The following FHOD3 variants were observed in gnomAD, a reference collection of about 807,000 sequenced individuals.
FHOD3 encodes the protein FH1/FH2 domain-containing protein 3.
FHOD3 carries 90 observed loss-of-function variants against 173.0 expected under a neutral mutation model. The ratio of observed to expected loss-of-function variants is 0.52; its 90% CI spans 0.44 to 0.62. The LOEUF is 0.62. Among genes scored for constraint, FHOD3 ranks in the 20% least tolerant of loss-of-function variants. The pLI, the probability that FHOD3 is intolerant of heterozygous loss-of-function variation, is 0.00. For missense variants in FHOD3, 1,945 were observed against 2,034.7 expected, an observed-to-expected ratio of 0.96 and a Z score of 0.85; for synonymous variants, 828 against 823.0, an observed-to-expected ratio of 1.01 and a Z score of -0.10.
At chr18:36,594,040 A>C (rs1260090898) in intron 6 of FHOD3, among the ~76,000 whole-genome samples, 1 of 152,196 alleles carries the variant, frequency 6.6e-6, no homozygotes, top group East Asian at 1.9e-4. Context: ...CCGGAGGCTG[A>C]CCCAGAGACC....
At chr18:36,728,592 G>T (rs1481663708) in intron 19 of FHOD3, among the ~76,000 whole-genome samples, 2 of 144,614 alleles carry the variant, frequency 1.4e-5, no homozygotes, top group Non-Finnish European at 1.5e-5. Context: ...TTGTTGTTGG[G>T]TTTTTTTTTT....
chr18:36,758,845 T>G (rs1394970811), intron 25 of FHOD3, among the ~76,000 whole-genome samples: 1 of 152,182 alleles, frequency 6.6e-6, no homozygotes, highest in Non-Finnish European at 1.5e-5. Flanking sequence ...TAGCTGACTG[T>G]TACCTCAGGG....
intron 3 of FHOD3, among the ~76,000 whole-genome samples, chr18:36,425,093 T>C (rs1055228608): frequency 6.6e-6 from 1 of 152,200 alleles, no homozygotes; most frequent in Admixed American, 6.5e-5. Flanking sequence ...AAAAAAATTA[T>C]ATGCTGAGGT....
At chr18:36,423,789 G>A (rs1271653197) in intron 3 of FHOD3, among the ~76,000 whole-genome samples, 1 of 152,144 alleles carries the variant, frequency 6.6e-6, no homozygotes, top group Non-Finnish European at 1.5e-5. Context: ...GAATACAGTG[G>A]TATAGAATAA....
In FHOD3 at chr18:36,576,873, C is replaced by T. The variant is rs559835734; in HGVS notation, c.606+328C>T. Among the ~76,000 whole-genome samples, 209 of 152,270 alleles carry T rather than the reference C, an allele frequency of 1.4e-3. 1 individual carries two copies. The highest frequency in any genetic ancestry group is 2.1e-3 in the Non-Finnish European group (144 of 68,006). On this transcript the variant is annotated intron_variant, in intron 6 of 28. Coordinates refer to ENST00000590592, the MANE Select transcript of FHOD3 (RefSeq NM_001281740.3). ...ATCCCAGCACTTGGCAAGGCCAAAG[C>T]GGGTGGATCACGAGATCGAGACCAG...
chr18:36,436,056 T>G (rs2050792261), intron 3 of FHOD3, among the ~76,000 whole-genome samples: 1 of 152,190 alleles, frequency 6.6e-6, no homozygotes, highest in Non-Finnish European at 1.5e-5. Flanking sequence ...GTTTGCTTAG[T>G]GCTGATATAA....
intron 17 of FHOD3, among the ~76,000 whole-genome samples, chr18:36,697,016 T>C (rs2149533860): frequency 6.6e-6 from 1 of 152,358 alleles, no homozygotes; most frequent in African/African-American, 2.4e-5. Flanking sequence ...ACCTAAGTGA[T>C]TCTCTTTGTC....
Position 36,542,471 on chromosome 18 carries a change from G to C in FHOD3, c.511+29928G>C, listed in dbSNP as rs556471127. 2.6e-5 allele frequency among the ~76,000 whole-genome samples: 4 copies of C among 152,170 alleles called. No homozygotes were observed. The South Asian group carries it at 8.3e-4, about 32-fold the overall frequency. ...AGTCAAAACAAAAAATTAAAGGAAA[G>C]GCCACTCAATTTCATTGAGTATTCT... On this transcript the variant is annotated intron_variant, in intron 5 of 28. Transcript: ENST00000590592.
At chr18:36,337,292 A>G (rs2045372540) in intron 1 of FHOD3, among the ~76,000 whole-genome samples, 2 of 152,202 alleles carry the variant, frequency 1.3e-5, no homozygotes, top group East Asian at 1.9e-4. Context: ...TGTTATAGAA[A>G]TGTACTTCCT....
chr18:36,721,715 C>T (rs1217591453), intron 19 of FHOD3, among the ~76,000 whole-genome samples: 1 of 152,202 alleles, frequency 6.6e-6, no homozygotes, highest in Non-Finnish European at 1.5e-5. Flanking sequence ...TATGTTACCA[C>T]TGTAGATATA....
At chr18:36,641,903 A>G (rs1353658654) in intron 10 of FHOD3, among the ~76,000 whole-genome samples, 1 of 151,640 alleles carries the variant, frequency 6.6e-6, no homozygotes, top group Non-Finnish European at 1.5e-5. Context: ...CAGTGAGCCA[A>G]GATTGCGCCA....
rs559644540 is a variant in FHOD3, at chr18:36,316,004, G to A, written c.165+18004G>A. ...ATGAGTAAGAGCAGAGCTAATCCTC[G>A]GGGAGTGGGAGGGGAGAAGGAGGGG... On this transcript the variant is annotated intron_variant, in intron 1 of 28. Coordinates refer to ENST00000590592, the MANE Select transcript of FHOD3 (RefSeq NM_001281740.3). 3.5e-4 allele frequency among the ~76,000 whole-genome samples: 53 copies of A among 152,010 alleles called. No homozygotes were observed. In the South Asian group the frequency reaches 0.011, roughly 32 times the overall value.
intron 14 of FHOD3, among the ~76,000 whole-genome samples, chr18:36,677,124 A>G (rs567263814): frequency 5.6e-4 from 85 of 151,272 alleles, no homozygotes; most frequent in Admixed American, 1.1e-3. Context: ...ACTATCTAGA[A>G]TTTATTTTTA....
intron 5 of FHOD3, among the ~76,000 whole-genome samples, chr18:36,563,487 A>C (rs2058158703): frequency 6.6e-6 from 1 of 152,230 alleles, no homozygotes; most frequent in Non-Finnish European, 1.5e-5. Flanking sequence ...GTTAATTAGC[A>C]TAACAGCATC....
chr18:36,772,121 A>G (rs1366958066), intron 28 of FHOD3, among the ~76,000 whole-genome samples: 2 of 152,226 alleles, frequency 1.3e-5, no homozygotes, highest in East Asian at 3.8e-4. Flanking sequence ...TTTCAATTTT[A>G]TGCAAAACAG....
At chr18:36,463,101 T>G (rs989034655) in intron 3 of FHOD3, among the ~76,000 whole-genome samples, 1 of 152,102 alleles carries the variant, frequency 6.6e-6, no homozygotes, top group African/African-American at 2.4e-5. Flanking sequence ...TTTCTCAACT[T>G]TTTAAAAGAT....
At chr18:36,338,135 G>A (rs368537237) in intron 1 of FHOD3, among the ~76,000 whole-genome samples, 2 of 152,234 alleles carry the variant, frequency 1.3e-5, no homozygotes, top group South Asian at 2.1e-4. Context: ...GGCAGGTAGA[G>A]AACATTAGTG....
At chr18:36,733,671 C>T (rs1356842105) in intron 20 of FHOD3, among the ~76,000 whole-genome samples, 1 of 152,170 alleles carries the variant, frequency 6.6e-6, no homozygotes, top group Non-Finnish European at 1.5e-5. Flanking sequence ...GTTGAGCACC[C>T]TTTTGATCCA....
intron 5 of FHOD3, among the ~76,000 whole-genome samples, chr18:36,572,278 A>C (rs1002347637): frequency 6.6e-6 from 1 of 152,294 alleles, no homozygotes; most frequent in African/African-American, 2.4e-5. Flanking sequence ...TTGAAAACAC[A>C]AATCATGAAT....
Sources: allele counts gnomAD v4.1 joint callset (sites outside exome capture counted in the v4.1 genomes callset), GRCh38; gene constraint gnomAD v4.1.1; transcripts MANE v1.5; gene names NCBI Gene and HGNC (gene_info 2026-07-23, HGNC 2026-07-21).